Variants in RBFOX1 observed in about 807,000 individuals in gnomAD.
RBFOX1 encodes the protein RNA binding protein fox-1 homolog 1.
In RBFOX1, 8 loss-of-function variants were observed where a neutral mutation model predicts 57.7. That is an observed-to-expected ratio of 0.14 (90% CI 0.08 to 0.25). The LOEUF (loss-of-function observed/expected upper bound fraction) is 0.25, where lower values mean the gene tolerates loss of function less well. Ranked by LOEUF, RBFOX1 falls within the 10% of genes least tolerant of loss-of-function variation. The probability of loss-of-function intolerance (pLI) is 1.00; values close to 1 mark genes in which losing one functional copy is unlikely to be tolerated. For synonymous variants in RBFOX1, 326 were observed against 222.4 expected (o/e 1.47, Z -4.15); for missense variants, 611 against 548.5 (o/e 1.11, Z -1.14).
chr16:5,554,354 A>G lies in RBFOX1; in HGVS notation c.259-44548A>G, dbSNP rs938151345. On this transcript the variant is annotated intron_variant, in intron 2 of 2. Transcript: ENST00000585867. ...TATGCGAAAGTTATAAAACTGGTGTATATTTCTGTAAAAAATGCAAGTTAT... is the reference window on the plus strand; with the variant it reads ...TATGCGAAAGTTATAAAACTGGTGTGTATTTCTGTAAAAAATGCAAGTTAT... 2.0e-5 allele frequency among the ~76,000 whole-genome samples: 3 copies of G among 152,294 alleles called. No homozygotes were observed. The East Asian group carries it at 5.8e-4, about 29-fold the overall frequency.
chr16:6,061,918 C>A (rs1401750673), intron 1 of RBFOX1, among the ~76,000 whole-genome samples: 1 of 152,174 alleles, frequency 6.6e-6, no homozygotes, highest in Non-Finnish European at 1.5e-5. Context: ...AGACTGCCCC[C>A]ACTTTGGACT....
At chr16:6,887,251 T>C (rs918101661) in intron 3 of RBFOX1, among the ~76,000 whole-genome samples, 21 of 152,232 alleles carry the variant, frequency 1.4e-4, no homozygotes, top group Admixed American at 6.5e-5. Flanking sequence ...ATTACCTGTA[T>C]TTTGAGAACT....
rs59197437 is a variant in RBFOX1, at chr16:7,466,548, C to G, written c.28-51599C>G. Among the ~76,000 whole-genome samples, 225 of 152,290 alleles carry G rather than the reference C, an allele frequency of 1.5e-3. 1 individual carries two copies. Among genetic ancestry groups the G allele is most frequent in the African/African-American group, 5.0e-3 (207 of 41,570 alleles). On this transcript the variant is annotated intron_variant, in intron 4 of 15. Transcript: ENST00000550418. ...CAACTCCACGATGTCCTGCCTTCAT[C>G]TGAGCCTCCCCAGGAAGACAGGGCT...
chr16:5,508,697 C>T (rs887976678), intron 2 of RBFOX1, among the ~76,000 whole-genome samples: 7 of 152,110 alleles, frequency 4.6e-5, no homozygotes, highest in Admixed American at 6.5e-5. Context: ...AGAGCGATTG[C>T]ACAGAGTGCC....
Position 7,053,400 on chromosome 16 carries a change from C to T in RBFOX1, c.27+1302C>T, listed in dbSNP as rs1013159452. 2.6e-5 allele frequency among the ~76,000 whole-genome samples: 4 copies of T among 152,104 alleles called. No individual in the cohort carries two copies. In the South Asian group the frequency reaches 8.3e-4, roughly 32 times the overall value. On this transcript the variant is annotated intron_variant, in intron 4 of 15. Coordinates refer to ENST00000550418, the MANE Select transcript of RBFOX1 (RefSeq NM_018723.4). ...TTCTGAACTGTCTTACTGCTTTTTT[C>T]CTGTAGTCTGAATTACTGGTTCATC... is the stretch of plus-strand genomic sequence containing the variant.
At chr16:6,970,016 C>A (rs1467776979) in intron 3 of RBFOX1, among the ~76,000 whole-genome samples, 1 of 151,322 alleles carries the variant, frequency 6.6e-6, no homozygotes, top group African/African-American at 2.4e-5. Flanking sequence ...AGCAAGACCC[C>A]ATTTAAAAAA....
At chr16:7,221,503 A>G (rs1267861194) in intron 4 of RBFOX1, among the ~76,000 whole-genome samples, 1 of 151,974 alleles carries the variant, frequency 6.6e-6, no homozygotes, top group African/African-American at 2.4e-5. Flanking sequence ...AGTAGCTGGG[A>G]TTACAGGTGC....
chr16:5,525,827 C>G (rs535990234), intron 2 of RBFOX1, among the ~76,000 whole-genome samples: 1 of 152,092 alleles, frequency 6.6e-6, no homozygotes, highest in Non-Finnish European at 1.5e-5. Context: ...ACAACAGTTC[C>G]CTCTAACAAA....
chr16:7,332,104 A>C (rs1259486536), intron 4 of RBFOX1, among the ~76,000 whole-genome samples: 3 of 152,220 alleles, frequency 2.0e-5, no homozygotes, highest in Non-Finnish European at 4.4e-5. Flanking sequence ...ATGTTATTAC[A>C]GACTGAAATA....
Position 7,171,998 on chromosome 16 carries a change from C to G in RBFOX1, c.27+119900C>G, listed in dbSNP as rs547932193. 2.8e-4 allele frequency among the ~76,000 whole-genome samples: 42 copies of G among 152,226 alleles called. No homozygotes were observed. The East Asian group carries it at 7.3e-3, about 27-fold the overall frequency. ...GCTGTGTAGTATAGTAGGAAGAATC[C>G]TACATTCACAGAGAGGCTGATTTTT... On this transcript the variant is annotated intron_variant, in intron 4 of 15. Transcript: ENST00000550418.
intron 3 of RBFOX1, among the ~76,000 whole-genome samples, chr16:7,026,421 GC>G (rs1225819254): frequency 6.6e-6 from 1 of 152,176 alleles, no homozygotes; most frequent in Non-Finnish European, 1.5e-5. Flanking sequence ...GTTGAGGGCA[GC>G]ACTTACATTT....
chr16:7,211,780 G>C (rs1372792425), intron 4 of RBFOX1, among the ~76,000 whole-genome samples: 3 of 152,148 alleles, frequency 2.0e-5, no homozygotes, highest in Non-Finnish European at 4.4e-5. Flanking sequence ...CAAGCCCCCT[G>C]TCTCTAGGTT....
rs2094948322 is a variant in RBFOX1 at position 6,009,649 on chromosome 16, A to G, written c.351+142314A>G. Reference sequence around the variant, plus strand: ...AATCATGTTTTCAGAGAAGGGAAATATCCATGCACAAAGCCCTCAGATCTT... The same window carrying G: ...AATCATGTTTTCAGAGAAGGGAAATGTCCATGCACAAAGCCCTCAGATCTT... On this transcript the variant is annotated intron_variant, in intron 4 of 19. Transcript: ENST00000641259. Among the ~76,000 whole-genome samples, 3 of 152,226 alleles carry G rather than the reference A, an allele frequency of 2.0e-5. No individual in the cohort carries two copies. The South Asian group carries it at 6.2e-4, about 32-fold the overall frequency.
intron 4 of RBFOX1, among the ~76,000 whole-genome samples, chr16:5,923,494 G>A (rs549269187): frequency 2.6e-4 from 38 of 148,518 alleles, no homozygotes; most frequent in Non-Finnish European, 4.4e-4. Flanking sequence ...GACAGATTGC[G>A]AATTCAGACC....
intron 4 of RBFOX1, among the ~76,000 whole-genome samples, chr16:7,469,136 G>T (rs569978771): frequency 6.6e-6 from 1 of 152,028 alleles, no homozygotes; most frequent in Non-Finnish European, 1.5e-5. Context: ...GGGTTTGACC[G>T]TGTTAGCCAG....
At chr16:7,129,080 A>G (rs1190044900) in intron 4 of RBFOX1, among the ~76,000 whole-genome samples, 1 of 151,994 alleles carries the variant, frequency 6.6e-6, no homozygotes, top group African/African-American at 2.4e-5. Flanking sequence ...CAGCCTCCCA[A>G]AGTGCTGGGA....
intron 1 of RBFOX1, among the ~76,000 whole-genome samples, chr16:5,452,685 C>T (rs1299942635): frequency 2.0e-5 from 3 of 151,828 alleles, no homozygotes; most frequent in Non-Finnish European, 2.9e-5. Flanking sequence ...ACTCTGTCAC[C>T]CAGGCTGGAG....
At chr16:6,719,735 C>A (rs186056268) in intron 3 of RBFOX1, among the ~76,000 whole-genome samples, 3 of 151,952 alleles carry the variant, frequency 2.0e-5, no homozygotes, top group Non-Finnish European at 4.4e-5. Context: ...CGTGAGCCAC[C>A]GCACTTGGCC....
At chr16:5,558,290 A>C (rs1209613162) in intron 2 of RBFOX1, among the ~76,000 whole-genome samples, 2 of 152,124 alleles carry the variant, frequency 1.3e-5, no homozygotes, top group East Asian at 3.9e-4. Flanking sequence ...GCACACTGTA[A>C]CACACGCCTA....
Sources: gnomAD v4.1 joint callset for allele counts (sites outside exome capture counted in the v4.1 genomes callset) on GRCh38, gnomAD v4.1.1 for gene constraint, MANE v1.5 for transcripts, NCBI Gene and HGNC (gene_info 2026-07-23, HGNC 2026-07-21) for gene names.